The following FAT3 variants were observed in gnomAD, a reference collection of about 807,000 sequenced individuals.
The protein encoded by FAT3 is protocadherin Fat 3.
In FAT3, 95 loss-of-function variants were observed where a neutral mutation model predicts 310.2. That is an observed-to-expected ratio of 0.31 (90% CI 0.26 to 0.36). The LOEUF is 0.36. FAT3 is among the 10% of genes least tolerant of loss of function. The pLI, the probability that FAT3 is intolerant of heterozygous loss-of-function variation, is 1.00. For synonymous variants in FAT3, 2,314 were observed against 2,192.9 expected, an observed-to-expected ratio of 1.06 and a Z score of -1.54; for missense variants, 5,408 against 5,715.6, an observed-to-expected ratio of 0.95 and a Z score of 1.74.
At chr11:92,705,567 TG>T (rs1439085669) in intron 4 of FAT3, among the ~76,000 whole-genome samples, 1 of 49,156 alleles carries the variant, frequency 2.0e-5, no homozygotes. Flanking sequence ...GTGATGGTGG[TG>T]GTGGTGGTGA....
intron 3 of FAT3, among the ~76,000 whole-genome samples, chr11:92,568,839 G>C (rs1955570136): frequency 6.6e-6 from 1 of 152,104 alleles, no homozygotes; most frequent in African/African-American, 2.4e-5. Context: ...TTCCAGACAG[G>C]TACTCACAGT....
In FAT3 at chr11:92,503,758, A is replaced by G. The variant is rs143655294; in HGVS notation, c.3293-20876A>G. Reference sequence around the variant, plus strand: ...GTCTGGTCTATTACATTGATTCCCTATCTTAAGTTGATCATTACTAAATAT... The same window carrying G: ...GTCTGGTCTATTACATTGATTCCCTGTCTTAAGTTGATCATTACTAAATAT... On this transcript the variant is annotated intron_variant, in intron 2 of 27. Transcript: ENST00000525166. Among the ~76,000 whole-genome samples the G allele has an allele frequency of 7.2e-5, 11 of 152,264 alleles. No homozygotes were observed. The East Asian group carries it at 1.7e-3, about 24-fold the overall frequency.
chr11:92,677,421 T>C (rs1943323206), intron 3 of FAT3, among the ~76,000 whole-genome samples: 1 of 152,252 alleles, frequency 6.6e-6, no homozygotes, highest in Non-Finnish European at 1.5e-5. Context: ...AGTCCATTGA[T>C]ACAAATGAGA....
chr11:92,565,790 A>G (rs746897824), intron 3 of FAT3, among the ~76,000 whole-genome samples: 22 of 152,182 alleles, frequency 1.4e-4, no homozygotes, highest in Non-Finnish European at 2.8e-4. Flanking sequence ...CAAAAACCAC[A>G]TGATATCTCA....
chr11:92,694,804 T>G (rs984461784), intron 3 of FAT3, among the ~76,000 whole-genome samples: 1 of 152,148 alleles, frequency 6.6e-6, no homozygotes, highest in Non-Finnish European at 1.5e-5. Flanking sequence ...TCATTCCTAT[T>G]GTGGACTCTA....
intron 2 of FAT3, among the ~76,000 whole-genome samples, chr11:92,376,809 G>A (rs2134743235): frequency 6.6e-6 from 1 of 152,252 alleles, no homozygotes; most frequent in Admixed American, 6.5e-5. Flanking sequence ...ATTTTGAATA[G>A]ACATATATAT....
rs556802238 is a variant in FAT3 at position 92,708,833 on chromosome 11, C to T, written c.3669+11388C>T. ...AAAAGCTTAGAGATTTATCAGCTTCCGCTGGCCACCATCCACTTAAATAAG... is the reference window on the plus strand; with the variant it reads ...AAAAGCTTAGAGATTTATCAGCTTCTGCTGGCCACCATCCACTTAAATAAG... On this transcript the variant is annotated intron_variant, in intron 4 of 27. Coordinates refer to ENST00000525166, the MANE Select transcript of FAT3 (RefSeq NM_001367949.2). 7.2e-5 allele frequency among the ~76,000 whole-genome samples: 11 copies of T among 152,302 alleles called. No individual in the cohort carries two copies. The East Asian group carries it at 9.6e-4, about 13-fold the overall frequency.
At chr11:92,420,394 A>T (rs971498122) in intron 2 of FAT3, among the ~76,000 whole-genome samples, 1 of 152,180 alleles carries the variant, frequency 6.6e-6, no homozygotes, top group Non-Finnish European at 1.5e-5. Flanking sequence ...GTGGTAGAAA[A>T]GGCTGAACCA....
At chr11:92,510,464 A>G (rs1953255794) in intron 2 of FAT3, among the ~76,000 whole-genome samples, 1 of 152,022 alleles carries the variant, frequency 6.6e-6, no homozygotes, top group Admixed American at 6.6e-5. Context: ...CCAGCTTGGT[A>G]CTCTTTTGGC....
intron 3 of FAT3, among the ~76,000 whole-genome samples, chr11:92,575,849 AT>A (rs1427152449): frequency 6.6e-6 from 1 of 152,008 alleles, no homozygotes; most frequent in Non-Finnish European, 1.5e-5. Context: ...ACTGTTTTCT[AT>A]TTTTTGAGAC....
At chr11:92,840,041 G>T (rs928131070) in intron 17 of FAT3, among the ~76,000 whole-genome samples, 1 of 152,164 alleles carries the variant, frequency 6.6e-6, no homozygotes, top group African/African-American at 2.4e-5. Flanking sequence ...AAGGTATAAA[G>T]CCCCATTTTC....
At chr11:92,586,894 G>A (rs994419761) in intron 3 of FAT3, among the ~76,000 whole-genome samples, 1 of 151,968 alleles carries the variant, frequency 6.6e-6, no homozygotes, top group African/African-American at 2.4e-5. Flanking sequence ...ACTAACTGGA[G>A]AGGTTTTTAG....
At chr11:92,359,726 G>A (rs1445964513) in intron 2 of FAT3, among the ~76,000 whole-genome samples, 2 of 140,394 alleles carry the variant, frequency 1.4e-5, no homozygotes, top group South Asian at 2.4e-4. Context: ...GAGAATATGC[G>A]GTGTTTGGTT....
chr11:92,738,780 A>T (rs1029950912), intron 4 of FAT3, among the ~76,000 whole-genome samples: 1 of 152,198 alleles, frequency 6.6e-6, no homozygotes, highest in African/African-American at 2.4e-5. Context: ...GCTGTCACCT[A>T]TAAGCTGAGT....
At chr11:92,877,782 A>C (rs1949567421) in intron 22 of FAT3, among the ~76,000 whole-genome samples, 2 of 152,218 alleles carry the variant, frequency 1.3e-5, no homozygotes, top group Non-Finnish European at 2.9e-5. Flanking sequence ...AAAATGTATT[A>C]GAGTTCTTCA....
At chr11:92,416,202 C>T (rs1457686841) in intron 2 of FAT3, among the ~76,000 whole-genome samples, 3 of 141,052 alleles carry the variant, frequency 2.1e-5, no homozygotes, top group Non-Finnish European at 4.6e-5. Flanking sequence ...GGTGAAACCC[C>T]ATCTCTACTA....
At chr11:92,340,843 G>A (rs1282872669) in intron 1 of FAT3, among the ~76,000 whole-genome samples, 1 of 152,170 alleles carries the variant, frequency 6.6e-6, no homozygotes, top group Non-Finnish European at 1.5e-5. Flanking sequence ...TGGGGACTAT[G>A]GGAGAGCTGA....
chr11:92,317,613 G>A (rs932244132), intron 1 of FAT3, among the ~76,000 whole-genome samples: 7 of 152,188 alleles, frequency 4.6e-5, no homozygotes, highest in African/African-American at 1.7e-4. Flanking sequence ...TTTCATGGTT[G>A]TCAGTAAGTG....
At chr11:92,613,484 G>A (rs1032146304) in intron 3 of FAT3, among the ~76,000 whole-genome samples, 1 of 152,090 alleles carries the variant, frequency 6.6e-6, no homozygotes, top group Non-Finnish European at 1.5e-5. Context: ...ACGAAAACTG[G>A]TTCTGACACT....
Sources: allele counts gnomAD v4.1 joint callset (sites outside exome capture counted in the v4.1 genomes callset), GRCh38; gene constraint gnomAD v4.1.1; transcripts MANE v1.5; gene names NCBI Gene and HGNC (gene_info 2026-07-23, HGNC 2026-07-21).